The following ADAMTSL3 variants were observed in gnomAD, a reference collection of about 807,000 sequenced individuals.
The protein encoded by ADAMTSL3 is ADAMTS like 3.
A neutral mutation model predicts 201.7 loss-of-function variants in ADAMTSL3; 128 were observed. The observed-to-expected ratio is 0.63, with a 90% CI of 0.55 to 0.73. ADAMTSL3 has a LOEUF of 0.73. Among genes scored for constraint, ADAMTSL3 ranks in the 30% least tolerant of loss-of-function variants. The pLI, the probability that ADAMTSL3 is intolerant of heterozygous loss-of-function variation, is 0.00. For synonymous variants in ADAMTSL3, 738 were observed against 748.4 expected (o/e 0.99, Z 0.23); for missense variants, 1,990 against 2,119.6 (o/e 0.94, Z 1.20).
intron 22 of ADAMTSL3, 135 bp downstream of exon 22, chr15:83,988,953 C>T (rs1347979888): frequency 6.6e-6 from 3 of 451,640 alleles, no homozygotes; most frequent in African/African-American, 4.3e-5. Context: ...GTGATCTCGG[C>T]TCACTGTAAG....
chr15:84,002,729 T>C (rs2067813690), intron 23 of ADAMTSL3, among the ~76,000 whole-genome samples: 1 of 152,120 alleles, frequency 6.6e-6, no homozygotes, highest in Admixed American at 6.5e-5. Context: ...CTCTATGCTT[T>C]GCAATTTTAT....
chr15:83,842,989 G>C (rs995867555), intron 7 of ADAMTSL3, among the ~76,000 whole-genome samples: 7 of 152,362 alleles, frequency 4.6e-5, no homozygotes, highest in African/African-American at 1.4e-4. Flanking sequence ...CCAAAGGGCA[G>C]TCTTATTTGG....
chr15:83,731,646 G>T (rs1457621648), intron 3 of ADAMTSL3, among the ~76,000 whole-genome samples: 1 of 151,888 alleles, frequency 6.6e-6, no homozygotes, highest in African/African-American at 2.4e-5. Context: ...CCAAGATATG[G>T]CAATAACTTA....
intron 8 of ADAMTSL3, chr15:83,862,333 T>G (rs1468107095): frequency 6.6e-6 from 1 of 152,066 alleles, no homozygotes; most frequent in African/African-American, 2.4e-5. Flanking sequence ...TCACCAAAGT[T>G]GAAATGAAGG....
intron 4 of ADAMTSL3, among the ~76,000 whole-genome samples, chr15:83,775,680 CTGTT>C (rs2063061017): frequency 6.6e-6 from 1 of 152,130 alleles, no homozygotes; most frequent in African/African-American, 2.4e-5. Context: ...TTGGTGTTCT[CTGTT>C]TGGCAAGTGT....
chr15:83,850,516 T>TTATA, intron 7 of ADAMTSL3, among the ~76,000 whole-genome samples: 1 of 149,080 alleles, frequency 6.7e-6, no homozygotes, highest in East Asian at 1.9e-4. Flanking sequence ...TATTTTTAAA[T>TTATA]TATATATATA....
chr15:83,774,284 A>G (rs1201463868), intron 4 of ADAMTSL3, among the ~76,000 whole-genome samples: 3 of 152,252 alleles, frequency 2.0e-5, no homozygotes, highest in East Asian at 3.8e-4. Context: ...ACAAAAGAAG[A>G]TTCCAAGATT....
At chr15:83,661,213 C>T (rs1359016265) in intron 2 of ADAMTSL3, among the ~76,000 whole-genome samples, 6 of 152,156 alleles carry the variant, frequency 3.9e-5, no homozygotes, top group Non-Finnish European at 5.9e-5. Context: ...AGTCACATAG[C>T]GTGATGCCTC....
intron 3 of ADAMTSL3, among the ~76,000 whole-genome samples, chr15:83,711,143 A>G (rs2061927879): frequency 6.6e-6 from 1 of 152,150 alleles, no homozygotes; most frequent in South Asian, 2.1e-4. Context: ...CTATTGATTT[A>G]TGCATTCTTT....
intron 4 of ADAMTSL3, among the ~76,000 whole-genome samples, chr15:83,785,815 C>T (rs2063253110): frequency 1.3e-5 from 2 of 150,344 alleles, no homozygotes; most frequent in African/African-American, 4.9e-5. Flanking sequence ...TTTTTCTGTG[C>T]ACGTAGGGGT....
At chr15:83,991,334 A>G in intron 23 of ADAMTSL3, 120 bp downstream of exon 23, 1 of 1,446,830 alleles carries the variant, frequency 6.9e-7, no homozygotes, top group Non-Finnish European at 9.4e-7. Context: ...GATAGGCTTA[A>G]AAAAAAGATT....
chr15:83,773,391 C>T lies in ADAMTSL3; in HGVS notation c.190-132C>T, dbSNP rs1051295308. On this transcript the variant is annotated intron_variant, in intron 3 of 29. Coordinates refer to ENST00000286744, the MANE Select transcript of ADAMTSL3 (RefSeq NM_207517.3). ...CCATTGCACTCCTGGGCAATAAGAT[C>T]GAAGCTCTGTCTCAATTAAAAAAAA... is the stretch of plus-strand genomic sequence containing the variant. 3.6e-5 allele frequency: 36 copies of T among 999,384 alleles called. No individual in the cohort carries two copies. In the Admixed American group the frequency reaches 5.3e-4, roughly 15 times the overall value. The allele number at this position is 999,384 out of a possible 1,614,324, so 61.9% of individuals were successfully genotyped here.
At chr15:83,798,224 A>G (rs967633172) in intron 4 of ADAMTSL3, among the ~76,000 whole-genome samples, 7 of 152,148 alleles carry the variant, frequency 4.6e-5, no homozygotes, top group African/African-American at 1.4e-4. Flanking sequence ...TCTTTAGTCT[A>G]TTTCTACACA....
chr15:83,663,373 A>G (rs1420653963), intron 2 of ADAMTSL3, among the ~76,000 whole-genome samples: 2 of 152,184 alleles, frequency 1.3e-5, no homozygotes, highest in Non-Finnish European at 2.9e-5. Context: ...AGTTATGGTT[A>G]TACCATAATG....
At chr15:83,779,844 G>T (rs755475507) in intron 4 of ADAMTSL3, among the ~76,000 whole-genome samples, 1 of 152,012 alleles carries the variant, frequency 6.6e-6, no homozygotes, top group Non-Finnish European at 1.5e-5. Flanking sequence ...GGTAAATAAT[G>T]AATTTAGGGC....
intron 20 of ADAMTSL3, among the ~76,000 whole-genome samples, chr15:83,975,265 G>A (rs1285845987): frequency 6.6e-6 from 1 of 151,794 alleles, no homozygotes; most frequent in Admixed American, 6.6e-5. Flanking sequence ...GCCTCCCAAA[G>A]TGCTGGGATT....
At chr15:83,969,851 C>CA (rs1287898344) in intron 19 of ADAMTSL3, among the ~76,000 whole-genome samples, 1 of 152,124 alleles carries the variant, frequency 6.6e-6, no homozygotes, top group East Asian at 1.9e-4. Context: ...GTGTGCAATT[C>CA]AAAATTTATT....
rs560938788 is a variant in ADAMTSL3 at position 83,811,182 on chromosome 15, T to C, written c.363+6487T>C. The stretch of plus-strand genomic sequence containing the variant: ...GATCCTTTTGCCATGTAAGATAACA[T>C]AGTCGCAGGTTCCAGGGGTTAGGTC... On this transcript the variant is annotated intron_variant, in intron 5 of 29. Coordinates refer to ENST00000286744, the MANE Select transcript of ADAMTSL3 (RefSeq NM_207517.3). Among the ~76,000 whole-genome samples, 65 of 152,332 alleles carry C rather than the reference T, an allele frequency of 4.3e-4. 1 individual carries two copies. Among genetic ancestry groups the C allele is most frequent in the African/African-American group, 1.5e-3 (63 of 41,588 alleles).
At chr15:83,993,102 C>A (rs1014032497) in intron 23 of ADAMTSL3, among the ~76,000 whole-genome samples, 1 of 152,232 alleles carries the variant, frequency 6.6e-6, no homozygotes, top group Non-Finnish European at 1.5e-5. Context: ...TTTAAACAAA[C>A]CTGTAGTGAA....
Sources: allele counts gnomAD v4.1 joint callset (sites outside exome capture counted in the v4.1 genomes callset), GRCh38; gene constraint gnomAD v4.1.1; transcripts MANE v1.5; gene names NCBI Gene and HGNC (gene_info 2026-07-23, HGNC 2026-07-21).